NBPF26: variants seen among roughly 807,000 people sequenced by gnomAD.
NBPF26 encodes NBPF family member NBPF26.
Under a neutral mutation model 119.6 loss-of-function variants are expected in NBPF26, and 79 were observed. The observed-to-expected ratio is 0.66, with a 90% CI of 0.55 to 0.80. The LOEUF is 0.80. Among genes scored for constraint, NBPF26 ranks in the 30% least tolerant of loss-of-function variants. The pLI, the probability that NBPF26 is intolerant of heterozygous loss-of-function variation, is 0.00. For synonymous variants in NBPF26, 299 were observed against 457.7 expected, an observed-to-expected ratio of 0.65 and a Z score of 4.43; for missense variants, 800 against 1,198.2, an observed-to-expected ratio of 0.67 and a Z score of 4.91.
chr1:120,811,572 AG>A (rs1651867623), intron 9 of NBPF26, among the ~76,000 whole-genome samples: 1 of 113,076 alleles, frequency 8.8e-6, no homozygotes, highest in South Asian at 2.5e-4. Flanking sequence ...AAGAAAATTA[AG>A]CAAAACGAAA....
chr1:120,781,731 T>C (rs1425130936), intron 2 of NBPF26, among the ~76,000 whole-genome samples: 1 of 108,120 alleles, frequency 9.2e-6, no homozygotes, highest in Non-Finnish European at 1.8e-5. Context: ...GCCTGGCTAA[T>C]TTTTTATATT....
chr1:120,817,241 C>A (rs1268784234), intron 14 of NBPF26, among the ~76,000 whole-genome samples: 1 of 114,536 alleles, frequency 8.7e-6, no homozygotes, highest in Non-Finnish European at 1.7e-5. Context: ...CTGCTCTCAG[C>A]TTTCATCTGG....
At chr1:120,728,052 C>G (rs1650834928) in intron 1 of NBPF26, among the ~76,000 whole-genome samples, 1 of 118,670 alleles carries the variant, frequency 8.4e-6, no homozygotes, top group Non-Finnish European at 1.6e-5. Context: ...GAATTCCTTT[C>G]TTCTGGTGTC....
At chr1:120,795,885 T>A (rs1651545088) in intron 4 of NBPF26, among the ~76,000 whole-genome samples, 1 of 17,180 alleles carries the variant, frequency 5.8e-5, no homozygotes, top group Non-Finnish European at 1.1e-4. Context: ...AAGACACTCC[T>A]AATTATAATC....
At chr1:120,812,923 A>T in intron 10 of NBPF26, among the ~76,000 whole-genome samples, 1 of 11,206 alleles carries the variant, frequency 8.9e-5, no homozygotes, top group Non-Finnish European at 1.7e-4. Context: ...ACTGCTAAAA[A>T]TAATAATAAT....
Position 120,802,603 on chromosome 1 carries a change from T to G in NBPF26, c.752-2953T>G, listed in dbSNP as rs1452349677. ...TTGAATATAAATTAAGTTTACCTCT[T>G]TTTGCACAGCAACATGGCCAATCTT... On this transcript the variant is annotated intron_variant, in intron 4 of 29. Transcript: ENST00000620612. Among the ~76,000 whole-genome samples, 6 of 119,678 alleles carry G rather than the reference T, an allele frequency of 5.0e-5. 1 individual carries two copies. The highest frequency in any genetic ancestry group is 2.3e-4 in the African/African-American group (5 of 21,794). The allele number at this position is 119,678 out of a possible 152,430, so 78.5% of individuals were successfully genotyped here. A position where few individuals can be genotyped will look rare whatever the true frequency, so the allele number is the denominator to read the frequency against.
In NBPF26 at chr1:120,765,166, A is replaced by G. The variant is rs1333216739; in HGVS notation, c.155+1457A>G. Among the ~76,000 whole-genome samples, 18 of 117,996 alleles carry G rather than the reference A, an allele frequency of 1.5e-4. 2 individuals are homozygous for G. The highest frequency in any genetic ancestry group is 2.2e-4 in the Non-Finnish European group (13 of 59,288). 77.4% of individuals were successfully genotyped at this position (117,996 alleles called of 152,430 possible). A position where few individuals can be genotyped will look rare whatever the true frequency, so the allele number is the denominator to read the frequency against. On this transcript the variant is annotated intron_variant, in intron 2 of 29. Coordinates refer to ENST00000620612, the Ensembl canonical transcript of NBPF26. ...CTCATTTAGTTTTTCTAGCTGGGGG[A>G]AAAAAAAAACATGTGGTGCATTCTC...
chr1:120,781,780 G>C lies in NBPF26; in HGVS notation c.156-3194G>C, dbSNP rs1217753954. On this transcript the variant is annotated intron_variant, in intron 2 of 29. Transcript: ENST00000620612. ...GGACTGTGTTAGCCAGGATGGTCTC[G>C]ATCTCCTGACCTGGTGATCTGCCTG... Among the ~76,000 whole-genome samples the C allele has an allele frequency of 1.7e-5, 2 of 115,644 alleles. 1 individual carries two copies. Among genetic ancestry groups the C allele is most frequent in the Non-Finnish European group, 3.4e-5 (2 of 59,550 alleles). 75.9% of individuals were successfully genotyped at this position (115,644 alleles called of 152,430 possible).
chr1:120,814,560 G>C (rs1423362483), intron 11 of NBPF26, among the ~76,000 whole-genome samples: 4,754 of 117,936 alleles, frequency 0.04, 500 homozygotes, highest in Non-Finnish European at 0.061. Flanking sequence ...CTTTTTGAAA[G>C]GGAATTAGGA....
At chr1:120,812,417 C>T (rs1651891674) in intron 10 of NBPF26, among the ~76,000 whole-genome samples, 1 of 68,736 alleles carries the variant, frequency 1.5e-5, no homozygotes, top group Non-Finnish European at 2.6e-5. Flanking sequence ...ATATAAGATC[C>T]TGCAGACAAA....
Position 120,838,525 on chromosome 1 carries a change from T to C in NBPF26, c.3822-220T>C, listed in dbSNP as rs112021146. On this transcript the variant is annotated intron_variant, in intron 27 of 29. Transcript: ENST00000620612. Reference sequence around the variant, plus strand: ...CTCTCTCTCTGTGTGTGTGTGTGTGTGTGTGTGTGTGTGTGTGTGTGTCTA... The same window carrying C: ...CTCTCTCTCTGTGTGTGTGTGTGTGCGTGTGTGTGTGTGTGTGTGTGTCTA... 8.2e-4 allele frequency among the ~76,000 whole-genome samples: 69 copies of C among 83,836 alleles called. 1 individual carries two copies. The highest frequency in any genetic ancestry group is 3.4e-3 in the African/African-American group (62 of 18,430). The allele number at this position is 83,836 out of a possible 152,430, so 55.0% of individuals were successfully genotyped here.
chr1:120,823,375 T>C lies in NBPF26; in HGVS notation c.2639+15T>C, dbSNP rs1652166702. On this transcript the variant is annotated intron_variant, in intron 17 of 29. Coordinates refer to ENST00000620612, the Ensembl canonical transcript of NBPF26. ...ACAGGTCCCAGGTGAGTCTGAGAAA[T>C]TGTGGACAGTTAATTTGATGTTGAC... The C allele has an allele frequency of 9.1e-6, 12 of 1,316,540 alleles. 3 individuals are homozygous for C. Among genetic ancestry groups the C allele is most frequent in the African/African-American group, 2.7e-5 (1 of 37,534 alleles). The allele number at this position is 1,316,540 out of a possible 1,614,324, so 81.6% of individuals were successfully genotyped here. A position where few individuals can be genotyped will look rare whatever the true frequency, so the allele number is the denominator to read the frequency against.
At position 120,810,198 on chromosome 1, in the gene NBPF26, G is replaced by A. The variant is rs1295108920; in HGVS notation, c.1353-149G>A. The A allele has an allele frequency of 6.9e-4, 698 of 1,013,860 alleles. 60 individuals carry two copies. Among genetic ancestry groups the A allele is most frequent in the Non-Finnish European group, 9.0e-4 (633 of 702,498 alleles). The allele number at this position is 1,013,860 out of a possible 1,614,324, so 62.8% of individuals were successfully genotyped here. A position where few individuals can be genotyped will look rare whatever the true frequency, so the allele number is the denominator to read the frequency against. On this transcript the variant is annotated intron_variant, in intron 8 of 29. Transcript: ENST00000620612. ...GCCATGCTCTGTTGCAGAGAGAAGC[G>A]GATTGCCTGTTTCCTCTTTAAGGGA...
rs1215799399 is a variant in NBPF26 at position 120,801,526 on chromosome 1, A to AC, written c.752-4030_752-4029insC. On this transcript the variant is annotated intron_variant, in intron 4 of 29. Coordinates refer to ENST00000620612, the Ensembl canonical transcript of NBPF26. ...TCCATGCCTTGTATTTTCATTAAAAAAAAAAAAAAAAAGCATTTCAGGGCC... is the reference window on the plus strand; with the variant it reads ...TCCATGCCTTGTATTTTCATTAAAAACAAAAAAAAAAAAGCATTTCAGGGCC... 4.5e-4 allele frequency among the ~76,000 whole-genome samples: 43 copies of AC among 95,268 alleles called. 1 individual carries two copies. The highest frequency in any genetic ancestry group is 6.5e-4 in the Non-Finnish European group (34 of 51,972). 62.5% of individuals were successfully genotyped at this position (95,268 alleles called of 152,430 possible). A position where few individuals can be genotyped will look rare whatever the true frequency, so the allele number is the denominator to read the frequency against.
rs1439218218 is a variant in NBPF26 at position 120,814,688 on chromosome 1, C to T, written c.1878-141C>T. 4 of 630,336 alleles carry T rather than the reference C, an allele frequency of 6.3e-6. 1 individual carries two copies. Among genetic ancestry groups the T allele is most frequent in the African/African-American group, 2.7e-5 (1 of 36,524 alleles). 39.0% of individuals were successfully genotyped at this position (630,336 alleles called of 1,614,324 possible). A position where few individuals can be genotyped will look rare whatever the true frequency, so the allele number is the denominator to read the frequency against. ...ACCATTTTCTATTCTTTCTCTTGGC[C>T]ACAGACATTCCTTTAAACATGTGCT... On this transcript the variant is annotated intron_variant, in intron 11 of 29. Coordinates refer to ENST00000620612, the Ensembl canonical transcript of NBPF26.
In NBPF26 at chr1:120,812,040, G is replaced by A; in HGVS notation, c.1719G>A (p.Glu573=). 1.6e-6 allele frequency: 2 copies of A among 1,290,042 alleles called. 1 individual carries two copies. Among genetic ancestry groups the A allele is most frequent in the Non-Finnish European group, 2.1e-6 (2 of 945,036 alleles). 79.9% of individuals were successfully genotyped at this position (1,290,042 alleles called of 1,614,324 possible). The stretch of plus-strand genomic sequence containing the variant: ...AACAGCAGTTCAGAAACCTCAAAGA[G>A]AAATGTTTTCTAACTCAACTGGCCG... The change falls in exon 10 of 30, where the codon GAG becomes GAA. Residue 573 remains glutamate, a synonymous_variant. Coordinates refer to ENST00000620612, the Ensembl canonical transcript of NBPF26.
At chr1:120,777,486 T>A (rs1248726027) in intron 2 of NBPF26, among the ~76,000 whole-genome samples, 1 of 111,252 alleles carries the variant, frequency 9.0e-6, no homozygotes, top group Non-Finnish European at 1.7e-5. Context: ...TGTATACTTG[T>A]CTTTGTTTCT....
intron 22 of NBPF26, among the ~76,000 whole-genome samples, chr1:120,832,524 A>G (rs1652362341): frequency 1.3e-5 from 1 of 78,454 alleles, no homozygotes; most frequent in South Asian, 4.1e-4. Context: ...GAACAATCTG[A>G]CTATTTGATG....
rs1206946047 is a variant in NBPF26 at position 120,813,007 on chromosome 1, C to T, written c.1775-884C>T. 1.3e-4 allele frequency among the ~76,000 whole-genome samples: 15 copies of T among 118,746 alleles called. 1 individual carries two copies. Among genetic ancestry groups the T allele is most frequent in the Non-Finnish European group, 2.5e-4 (15 of 60,884 alleles). The allele number at this position is 118,746 out of a possible 152,430, so 77.9% of individuals were successfully genotyped here. The stretch of plus-strand genomic sequence containing the variant: ...GAGAGTAGCTTGGTGAGAGTGAAGT[C>T]CTGCTTCCTGGGGCACAGAGTCTTG... On this transcript the variant is annotated intron_variant, in intron 10 of 29. Transcript: ENST00000620612.
Sources: allele counts gnomAD v4.1 joint callset (sites outside exome capture counted in the v4.1 genomes callset), GRCh38; gene constraint gnomAD v4.1.1; transcripts MANE v1.5; gene names NCBI Gene and HGNC (gene_info 2026-07-23, HGNC 2026-07-21).